Variants in RNF212B observed in about 807,000 individuals in gnomAD.
RNF212B encodes the protein E3 ubiquitin-protein ligase RNF212B.
Under a neutral mutation model 55.5 loss-of-function variants are expected in RNF212B, and 52 were observed. The observed-to-expected ratio is 0.94, with a 90% CI of 0.75 to 1.18. RNF212B has a LOEUF of 1.18. Among genes scored for constraint, RNF212B ranks in the 50% most tolerant of loss-of-function variants. The probability of loss-of-function intolerance (pLI) is 0.00; values close to 1 mark genes in which losing one functional copy is unlikely to be tolerated. For synonymous variants in RNF212B, 99 were observed against 121.4 expected (o/e 0.82, Z 1.21); for missense variants, 289 against 350.4 (o/e 0.82, Z 1.40).
intron 2 of RNF212B, among the ~76,000 whole-genome samples, chr14:23,199,677 C>T (rs1223866171): frequency 1.3e-5 from 2 of 151,976 alleles, no homozygotes; most frequent in African/African-American, 4.8e-5. Flanking sequence ...TGTGAAGTCT[C>T]ATGTCCTATG....
At chr14:23,266,833 G>C (rs1885742951) in intron 11 of RNF212B, among the ~76,000 whole-genome samples, 7 of 152,200 alleles carry the variant, frequency 4.6e-5, no homozygotes, top group Admixed American at 4.6e-4. Context: ...GAGTCTGCTA[G>C]GTTTAGCTAG....
upstream of RNF212B, among the ~76,000 whole-genome samples, chr14:23,234,297 C>T (rs747326916): frequency 3.4e-5 from 5 of 148,752 alleles, no homozygotes; most frequent in Admixed American, 1.3e-4. Context: ...CTTTACTTTT[C>T]GTGTGTGTGT....
intron 4 of RNF212B, among the ~76,000 whole-genome samples, chr14:23,245,473 G>C (rs17128091): frequency 0.25 from 38,458 of 152,080 alleles, 5,011 homozygotes; most frequent in African/African-American, 0.32. Flanking sequence ...GAAATCATAT[G>C]TAGTCTGAAT....
At chr14:23,210,300 A>G (rs1880356003) in intron 2 of RNF212B, among the ~76,000 whole-genome samples, 1 of 152,244 alleles carries the variant, frequency 6.6e-6, no homozygotes, top group Admixed American at 6.5e-5. Context: ...TGAAAGATTG[A>G]GAAACCGTCT....
At position 23,260,641 on chromosome 14, in the gene RNF212B, T is replaced by C; in HGVS notation, c.406-18T>C. 1 of 1,550,294 alleles carries C rather than the reference T, an allele frequency of 6.5e-7. No individual in the cohort carries two copies. ...CCTCAGTTGCAGCTTTCTTCACTCC[T>C]GGTTTTTTCACCTATAGGAATCTCC... On this transcript the variant is annotated intron_variant, in intron 6 of 14. Coordinates refer to ENST00000430154, the MANE Select transcript of RNF212B (RefSeq NM_001282322.3).
intron 2 of RNF212B, among the ~76,000 whole-genome samples, chr14:23,232,175 C>T (rs147677939): frequency 0.011 from 1,630 of 151,174 alleles, 16 homozygotes; most frequent in Non-Finnish European, 0.02. Context: ...TCTTCCCCGC[C>T]GCCATCCCGT....
At chr14:23,266,854 T>C (rs1157890354) in intron 11 of RNF212B, among the ~76,000 whole-genome samples, 1 of 152,244 alleles carries the variant, frequency 6.6e-6, no homozygotes, top group Non-Finnish European at 1.5e-5. Flanking sequence ...TATATCGTGT[T>C]GTTCAATTAG....
At chr14:23,194,628 G>T (rs1878458135) in intron 2 of RNF212B, among the ~76,000 whole-genome samples, 1 of 151,734 alleles carries the variant, frequency 6.6e-6, no homozygotes, top group African/African-American at 2.4e-5. Context: ...CCAGCTATGT[G>T]GGAGGCTGAG....
chr14:23,269,777 T>A, intron 12 of RNF212B, 86 bp from the exon 13 acceptor site: 1 of 705,632 alleles, frequency 1.4e-6, no homozygotes. Flanking sequence ...CTGGCCTAGC[T>A]GTATAGGCTC....
intron 2 of RNF212B, among the ~76,000 whole-genome samples, chr14:23,201,958 A>G (rs1004303656): frequency 1.1e-4 from 16 of 152,130 alleles, no homozygotes; most frequent in African/African-American, 3.6e-4. Context: ...AAACTTTATT[A>G]AGGAGTTGGA....
chr14:23,208,860 G>A (rs888629939), intron 2 of RNF212B, among the ~76,000 whole-genome samples: 4 of 136,476 alleles, frequency 2.9e-5, no homozygotes, highest in Admixed American at 8.3e-5. Context: ...CCAGGTTCAC[G>A]CCATTCTCCT....
At chr14:23,253,350 A>G (rs1001481123) in intron 4 of RNF212B, among the ~76,000 whole-genome samples, 1 of 152,140 alleles carries the variant, frequency 6.6e-6, no homozygotes, top group Non-Finnish European at 1.5e-5. Flanking sequence ...TTTACACTAT[A>G]AGTTTTCTCT....
rs1885228939 is a variant in RNF212B, at chr14:23,260,670, T to A, written c.417T>A (p.Ser139Arg). ...KFLAILKESP[S>R]RYQGSRSITP... is the part of the protein sequence containing the mutation. Reference sequence around the variant, plus strand: ...TTTTTCACCTATAGGAATCTCCAAGTCGGTACCAAGGAAGCAGGTCAGTTT... The same window carrying A: ...TTTTTCACCTATAGGAATCTCCAAGACGGTACCAAGGAAGCAGGTCAGTTT... Residue 139 changes from serine to arginine, a missense_variant, in exon 7 of 15, where the codon AGT (serine) becomes AGA (arginine). By Grantham distance (110) the Ser-to-Arg change is moderately radical (BLOSUM62 -1). Coordinates refer to ENST00000430154, the MANE Select transcript of RNF212B (RefSeq NM_001282322.3). The A allele has an allele frequency of 6.4e-7, 1 of 1,550,478 alleles. No homozygotes were observed. Among genetic ancestry groups the A allele is most frequent in the African/African-American group, 1.4e-5 (1 of 73,128 alleles).
chr14:23,222,269 G>A (rs1881639598), intron 2 of RNF212B, among the ~76,000 whole-genome samples: 1 of 151,484 alleles, frequency 6.6e-6, no homozygotes, highest in South Asian at 2.1e-4. Context: ...AAAAAAAGAA[G>A]ACCCAAAGAA....
chr14:23,190,652 T>G (rs1387923399), intron 1 of RNF212B, among the ~76,000 whole-genome samples: 1 of 152,172 alleles, frequency 6.6e-6, no homozygotes, highest in East Asian at 1.9e-4. Flanking sequence ...AGCCTTCTAA[T>G]TGGTCTCCCA....
At chr14:23,191,714 C>G (rs1177148226) in intron 1 of RNF212B, among the ~76,000 whole-genome samples, 1 of 152,020 alleles carries the variant, frequency 6.6e-6, no homozygotes, top group Non-Finnish European at 1.5e-5. Context: ...GGTAATAGTC[C>G]ATTAGACTGT....
chr14:23,241,746 T>C (rs1883585214), intron 2 of RNF212B, among the ~76,000 whole-genome samples: 1 of 151,614 alleles, frequency 6.6e-6, no homozygotes, highest in African/African-American at 2.4e-5. Flanking sequence ...GAGAAGAATG[T>C]TATGTACTTT....
intron 4 of RNF212B, among the ~76,000 whole-genome samples, chr14:23,245,750 C>T (rs77766165): frequency 0.089 from 13,486 of 152,134 alleles, 1,282 homozygotes; most frequent in African/African-American, 0.24. Flanking sequence ...TTTTCTACTC[C>T]TTACCATGCT....
intron 4 of RNF212B, among the ~76,000 whole-genome samples, chr14:23,254,001 A>G (rs1884601329): frequency 6.6e-6 from 1 of 152,218 alleles, no homozygotes; most frequent in African/African-American, 2.4e-5. Context: ...AACTAAGGCT[A>G]GGCACAGTGG....
Sources: gnomAD v4.1 joint callset for allele counts (sites outside exome capture counted in the v4.1 genomes callset) on GRCh38, gnomAD v4.1.1 for gene constraint, MANE v1.5 for transcripts, NCBI Gene and HGNC (gene_info 2026-07-23, HGNC 2026-07-21) for gene names.